VTCN1: variants seen among roughly 807,000 people sequenced by gnomAD.
VTCN1 encodes V-set domain-containing T-cell activation inhibitor 1.
In VTCN1, 26 loss-of-function variants were observed where a neutral mutation model predicts 26.5. The observed-to-expected ratio is 0.98, with a 90% CI of 0.72 to 1.36. The LOEUF is 1.36. Among genes scored for constraint, VTCN1 ranks in the 40% most tolerant of loss-of-function variants. The probability of loss-of-function intolerance (pLI) is 0.00; values close to 1 mark genes in which losing one functional copy is unlikely to be tolerated. For missense variants in VTCN1, 298 were observed against 337.7 expected (o/e 0.88, Z 0.92); for synonymous variants, 116 against 130.7 (o/e 0.89, Z 0.77).
At chr1:117,179,154 G>A (rs1172113640) in intron 1 of VTCN1, among the ~76,000 whole-genome samples, 1 of 152,176 alleles carries the variant, frequency 6.6e-6, no homozygotes, top group Non-Finnish European at 1.5e-5. Context: ...CGAACTATTT[G>A]TGCTAGATAA....
rs1651539160 is a variant in VTCN1, at chr1:117,146,870, G to C, written c.*45+743C>G. Among the ~76,000 whole-genome samples the C allele has an allele frequency of 6.6e-6, 1 of 152,154 alleles. No homozygotes were observed. Among genetic ancestry groups the C allele is most frequent in the East Asian group, 1.9e-4 (1 of 5,196 alleles). The stretch of plus-strand genomic sequence containing the variant: ...ACAGGGAAAGGAAGGAGCAGGTACA[G>C]TGTTTCAAAACCAGTCGGGGTGTGA... On this transcript the variant is annotated intron_variant, in intron 5 of 5. Coordinates refer to ENST00000369458, the MANE Select transcript of VTCN1 (RefSeq NM_024626.4). This position sits in a 1 kb window ranked among gnomAD's most constrained non-coding sequence, Gnocchi z 4.2.
At chr1:117,152,665 G>C (rs1651858848) in intron 4 of VTCN1, among the ~76,000 whole-genome samples, 4 of 151,968 alleles carry the variant, frequency 2.6e-5, no homozygotes. Flanking sequence ...CAGATTCACA[G>C]CCTTCTCAAA....
In VTCN1 at chr1:117,169,768, G is replaced by A. The variant is rs532433970; in HGVS notation, c.97+339C>T. On this transcript the variant is annotated intron_variant, in intron 2 of 5. Transcript: ENST00000369458. The surrounding 1 kb of genome is among the most constrained non-coding windows in gnomAD (Gnocchi z 4.0). ...ATTAGCCTGGCATGGTGGTGCACAT[G>A]CCTGTAGTCCTAGCTACTTGGGAGG... Among the ~76,000 whole-genome samples, 1 of 152,218 alleles carries A rather than the reference G, an allele frequency of 6.6e-6. No individual in the cohort carries two copies. The highest frequency in any genetic ancestry group is 1.5e-5 in the Non-Finnish European group (1 of 68,014).
chr1:117,150,313 G>A (rs994217129), intron 4 of VTCN1, among the ~76,000 whole-genome samples: 1 of 152,172 alleles, frequency 6.6e-6, no homozygotes, highest in African/African-American at 2.4e-5. Flanking sequence ...TGGCAATCAC[G>A]TCTTGCCATA....
chr1:117,165,528 C>T lies in VTCN1; in HGVS notation c.97+4579G>A, dbSNP rs781377889. Among the ~76,000 whole-genome samples the T allele has an allele frequency of 2.0e-5, 3 of 152,126 alleles. 1 individual carries two copies. The highest frequency in any genetic ancestry group is 4.4e-5 in the Non-Finnish European group (3 of 68,026). On this transcript the variant is annotated intron_variant, in intron 2 of 5. Transcript: ENST00000369458. ...AGTGAGCTCTCAGGCCCTGAGTTCACATGAGATCTGGTCGTTTAAACTTAT... is the reference window on the plus strand; with the variant it reads ...AGTGAGCTCTCAGGCCCTGAGTTCATATGAGATCTGGTCGTTTAAACTTAT...
chr1:117,173,125 G>A (rs1173944117), intron 1 of VTCN1: 2 of 712,684 alleles, frequency 2.8e-6, no homozygotes, highest in East Asian at 2.7e-5. Flanking sequence ...CCACAGGGAG[G>A]AGCAAACAAC....
At chr1:117,151,034 G>A (rs76642148) in intron 4 of VTCN1, among the ~76,000 whole-genome samples, 4,450 of 152,104 alleles carry the variant, frequency 0.029, 86 homozygotes, top group Non-Finnish European at 0.044. Context: ...GACATTTTGG[G>A]TTGATTCTAT....
chr1:117,175,849 C>A lies in VTCN1; in HGVS notation c.33-5678G>T, dbSNP rs186363717. ...GCACTGGCATGATCTCAGTTCACTG[C>A]AACCTCCGCCTCCCAGGTTCAAGCG... On this transcript the variant is annotated intron_variant, in intron 1 of 5. Transcript: ENST00000369458. This position sits in a 1 kb window ranked among gnomAD's most constrained non-coding sequence, Gnocchi z 4.2. Among the ~76,000 whole-genome samples the A allele has an allele frequency of 5.3e-5, 8 of 150,726 alleles. No individual in the cohort carries two copies. The highest frequency in any genetic ancestry group is 1.2e-4 in the Non-Finnish European group (8 of 67,884).
At chr1:117,187,689 G>C (rs1198452087) in intron 1 of VTCN1, among the ~76,000 whole-genome samples, 1 of 152,120 alleles carries the variant, frequency 6.6e-6, no homozygotes, top group African/African-American at 2.4e-5. Context: ...CTCAAGAACA[G>C]GGACCATATC....
intron 3 of VTCN1, among the ~76,000 whole-genome samples, chr1:117,154,985 G>C (rs1418245237): frequency 6.6e-6 from 1 of 152,042 alleles, no homozygotes; most frequent in Non-Finnish European, 1.5e-5. Flanking sequence ...CTTCTAGTCT[G>C]TCATGTTTTC....
intron 1 of VTCN1, among the ~76,000 whole-genome samples, chr1:117,197,528 G>A (rs750204896): frequency 7.9e-5 from 12 of 152,102 alleles, no homozygotes; most frequent in African/African-American, 2.2e-4. Context: ...CTGAGTAAAC[G>A]ACTTTGAACC....
chr1:117,190,824 T>TA, intron 1 of VTCN1, among the ~76,000 whole-genome samples: 1 of 152,328 alleles, frequency 6.6e-6, no homozygotes, highest in East Asian at 1.9e-4. Context: ...GTTTGGTCCT[T>TA]ACAATATATA....
chr1:117,184,933 C>T (rs550925542), intron 1 of VTCN1, among the ~76,000 whole-genome samples: 2 of 152,262 alleles, frequency 1.3e-5, no homozygotes, highest in African/African-American at 4.8e-5. Flanking sequence ...AAGCAATGCC[C>T]AGCCAGTTTT....
In VTCN1 at chr1:117,159,195, C is replaced by T. The variant is rs1482347690; in HGVS notation, c.98-2274G>A. On this transcript the variant is annotated intron_variant, in intron 2 of 5. Coordinates refer to ENST00000369458, the MANE Select transcript of VTCN1 (RefSeq NM_024626.4). This position sits in a 1 kb window ranked among gnomAD's most constrained non-coding sequence, Gnocchi z 4.7. ...TCAGCAGTGCCCCACTCTACTGGTA[C>T]CAATTTACTGTATTAGTCCATTTTC... Among the ~76,000 whole-genome samples the T allele has an allele frequency of 6.6e-6, 1 of 152,156 alleles. No individual in the cohort carries two copies. The highest frequency in any genetic ancestry group is 1.5e-5 in the Non-Finnish European group (1 of 68,030).
intron 1 of VTCN1, among the ~76,000 whole-genome samples, chr1:117,210,239 G>A (rs889528916): frequency 1.3e-5 from 2 of 151,588 alleles, no homozygotes; most frequent in African/African-American, 4.9e-5. Flanking sequence ...AGCAGCAGCA[G>A]CAGCAAGTTC....
chr1:117,174,822 G>C (rs1475318564), intron 1 of VTCN1, among the ~76,000 whole-genome samples: 1 of 152,202 alleles, frequency 6.6e-6, no homozygotes, highest in African/African-American at 2.4e-5. Context: ...GCTTTATTCA[G>C]AAATATATTG....
rs1311466107 is a variant in VTCN1 at position 117,156,470 on chromosome 1, AT to A, written c.445+103del. 4 of 1,240,816 alleles carry A rather than the reference AT, an allele frequency of 3.2e-6. No homozygotes were observed. The Middle Eastern group carries it at 5.8e-4, about 181-fold the overall frequency. The allele number at this position is 1,240,816 out of a possible 1,614,324, so 76.9% of individuals were successfully genotyped here. On this transcript the variant is annotated intron_variant, in intron 3 of 5. Coordinates refer to ENST00000369458, the MANE Select transcript of VTCN1 (RefSeq NM_024626.4). ...AACAGCTGTTAGCAGAATTGGGAGC[AT>A]CATTGTCTGATATTGGTCACAACAT... is the stretch of plus-strand genomic sequence containing the variant.
At chr1:117,191,742 T>C (rs1266873029) in intron 1 of VTCN1, among the ~76,000 whole-genome samples, 1 of 152,138 alleles carries the variant, frequency 6.6e-6, no homozygotes, top group Non-Finnish European at 1.5e-5. Context: ...ATACACGCCA[T>C]TGCACTTTAG....
In VTCN1 at chr1:117,169,183, T is replaced by G. The variant is rs75289241; in HGVS notation, c.97+924A>C. On this transcript the variant is annotated intron_variant, in intron 2 of 5. Coordinates refer to ENST00000369458, the MANE Select transcript of VTCN1 (RefSeq NM_024626.4). The surrounding 1 kb of genome is among the most constrained non-coding windows in gnomAD (Gnocchi z 4.0). ...AAGAAAACTGCCAGCCTTAACTCAT[T>G]CAGTGTCAAAATTAAAGCAGCATCC... Among the ~76,000 whole-genome samples, 3,596 of 152,224 alleles carry G rather than the reference T, an allele frequency of 0.024. 140 individuals are homozygous for G. The highest frequency in any genetic ancestry group is 0.082 in the African/African-American group (3,419 of 41,504).
Sources: allele counts gnomAD v4.1 joint callset (sites outside exome capture counted in the v4.1 genomes callset), GRCh38; gene constraint gnomAD v4.1.1; non-coding constraint Gnocchi (gnomAD v3.1); transcripts MANE v1.5; gene names NCBI Gene and HGNC (gene_info 2026-07-23, HGNC 2026-07-21).